RARA: variants seen among roughly 807,000 people sequenced by gnomAD.
The protein encoded by RARA is retinoic acid receptor alpha, also known as PML-DDX5-RARA fusion.
In RARA, 5 loss-of-function variants were observed where a neutral mutation model predicts 42.8. The ratio of observed to expected loss-of-function variants is 0.12; its 90% CI spans 0.06 to 0.25. The LOEUF (loss-of-function observed/expected upper bound fraction) is 0.25, where lower values mean the gene tolerates loss of function less well. Among genes scored for constraint, RARA ranks in the 10% least tolerant of loss-of-function variants. The pLI, the probability that RARA is intolerant of heterozygous loss-of-function variation, is 1.00. For missense variants in RARA, 402 were observed against 628.7 expected (o/e 0.64, Z 3.86); for synonymous variants, 256 against 259.5 (o/e 0.99, Z 0.13).
intron 2 of RARA, chr17:40,341,840 G>C: frequency 9.3e-7 from 1 of 1,078,476 alleles, no homozygotes; most frequent in Admixed American, 4.3e-5. Context: ...CTGGTACAAG[G>C]GAGGACGCCC....
intron 1 of RARA, among the ~76,000 whole-genome samples, chr17:40,315,131 TGTA>T (rs2033174237): frequency 1.4e-4 from 9 of 62,626 alleles, no homozygotes; most frequent in East Asian, 6.8e-4. Context: ...TGCTTATATG[TGTA>T]TATATATATA....
In RARA at chr17:40,354,233, A is replaced by G. The variant is rs2143519368; in HGVS notation, c.808-69A>G. The G allele has an allele frequency of 1.4e-6, 2 of 1,463,470 alleles. No homozygotes were observed. Among genetic ancestry groups the G allele is most frequent in the South Asian group, 2.4e-5 (2 of 84,240 alleles). 90.7% of individuals were successfully genotyped at this position (1,463,470 alleles called of 1,614,324 possible). A position where few individuals can be genotyped will look rare whatever the true frequency, so the allele number is the denominator to read the frequency against. ...TGGTCCTCCGGGAGTGCTGGTGCGG[A>G]GTGCTGGTGCCGAGTGCTCAGAGTG... On this transcript the variant is annotated intron_variant, in intron 6 of 8. Transcript: ENST00000254066. The surrounding 1 kb of genome is among the most constrained non-coding windows in gnomAD (Gnocchi z 4.5).
At chr17:40,341,550 C>T (rs1431852117) in intron 2 of RARA, 3 of 1,432,968 alleles carry the variant, frequency 2.1e-6, no homozygotes, top group Non-Finnish European at 1.8e-6. Context: ...CCCGGTTCGG[C>T]CGGGCAGGGG....
intron 2 of RARA, chr17:40,342,781 C>G (rs1028168476): frequency 2.5e-6 from 4 of 1,612,698 alleles, no homozygotes; most frequent in Non-Finnish European, 3.4e-6. Flanking sequence ...CAGAACCGGG[C>G]CTGTTTGCTC....
intron 4 of RARA, chr17:40,350,144 C>T: frequency 1.6e-6 from 1 of 616,750 alleles, no homozygotes; most frequent in Non-Finnish European, 2.8e-6. Context: ...TGCTCCGGGA[C>T]CGTGTATGTG....
chr17:40,351,563 G>T lies in RARA; in HGVS notation c.470-347G>T. Reference sequence around the variant, plus strand: ...GGAGGCGGGAGAAGGACCTTCCTGGGGAAAGAGGAGGCAGAGCACCTAGGA... The same window carrying T: ...GGAGGCGGGAGAAGGACCTTCCTGGTGAAAGAGGAGGCAGAGCACCTAGGA... On this transcript the variant is annotated intron_variant, in intron 4 of 8. Coordinates refer to ENST00000254066, the MANE Select transcript of RARA (RefSeq NM_000964.4). This position sits in a 1 kb window ranked among gnomAD's most constrained non-coding sequence, Gnocchi z 4.1. The T allele has an allele frequency of 2.1e-6, 1 of 473,982 alleles. No individual in the cohort carries two copies. The allele number at this position is 473,982 out of a possible 1,614,324, so 29.4% of individuals were successfully genotyped here.
intron 2 of RARA, among the ~76,000 whole-genome samples, chr17:40,337,570 C>T (rs758524296): frequency 2.0e-5 from 3 of 152,196 alleles, no homozygotes; most frequent in African/African-American, 4.8e-5. Context: ...ACCCTCCCCC[C>T]GATCTCCAGA....
At chr17:40,353,122 C>A (rs1286325187) in intron 6 of RARA, among the ~76,000 whole-genome samples, 3 of 152,094 alleles carry the variant, frequency 2.0e-5, no homozygotes, top group Admixed American at 2.0e-4. Flanking sequence ...AGGATGATGT[C>A]TCAGAGGAGG....
chr17:40,336,353 G>A (rs542155286), intron 2 of RARA, among the ~76,000 whole-genome samples: 1 of 152,220 alleles, frequency 6.6e-6, no homozygotes, highest in African/African-American at 2.4e-5. Context: ...TGGGATTACA[G>A]GTGTGAGCCA....
rs1490729093 is a variant in RARA, at chr17:40,315,146, A to ATGCT, written c.-363+5861_-363+5862insGCTT. Among the ~76,000 whole-genome samples, 106 of 123,580 alleles carry ATGCT rather than the reference A, an allele frequency of 8.6e-4. No homozygotes were observed. The Middle Eastern group carries it at 0.019, about 22-fold the overall frequency. 81.1% of individuals were successfully genotyped at this position (123,580 alleles called of 152,430 possible). A position where few individuals can be genotyped will look rare whatever the true frequency, so the allele number is the denominator to read the frequency against. The stretch of plus-strand genomic sequence containing the variant: ...TGCTTATATGTGTATATATATATAT[A>ATGCT]TATATATATATATATATATATATAT... On this transcript the variant is annotated intron_variant, in intron 1 of 8. Coordinates refer to ENST00000254066, the MANE Select transcript of RARA (RefSeq NM_000964.4).
intron 2 of RARA, among the ~76,000 whole-genome samples, chr17:40,335,806 C>T (rs2033827017): frequency 6.6e-6 from 1 of 152,122 alleles, no homozygotes; most frequent in African/African-American, 2.4e-5. Context: ...GAATTTGAGA[C>T]AAGCCTGGAC....
At chr17:40,334,024 G>C (rs2033775554) in intron 2 of RARA, among the ~76,000 whole-genome samples, 1 of 152,232 alleles carries the variant, frequency 6.6e-6, no homozygotes, top group South Asian at 2.1e-4. Flanking sequence ...GATGGCAACA[G>C]AGTTCCCAGA....
At chr17:40,323,836 T>TG (rs1177221505) in intron 1 of RARA, among the ~76,000 whole-genome samples, 3 of 21,550 alleles carry the variant, frequency 1.4e-4, no homozygotes, top group African/African-American at 3.7e-4. Flanking sequence ...CAGGACTTGG[T>TG]GGGGGGGTGT....
In RARA at chr17:40,348,375, C is replaced by G. The variant is rs777603974; in HGVS notation, c.238C>G (p.Pro80Ala). 1.9e-6 allele frequency: 3 copies of G among 1,613,534 alleles called. No homozygotes were observed. The highest frequency in any genetic ancestry group is 2.5e-6 in the Non-Finnish European group (3 of 1,179,702). The change falls in exon 3 of 9, where the codon CCT becomes GCT. Residue 80 changes from proline to alanine, a missense_variant. By Grantham distance (27) the Pro-to-Ala change is conservative. Transcript: ENST00000254066. ...EIVPSPPSPP[P>A]LPRIYKPCFV... ...AGTGCCCAGCCCTCCCTCGCCACCC[C>G]CTCTACCCCGCATCTACAAGCCTTG... is the stretch of plus-strand genomic sequence containing the variant.
chr17:40,327,029 C>A (rs1411104905), intron 1 of RARA, among the ~76,000 whole-genome samples: 1 of 152,060 alleles, frequency 6.6e-6, no homozygotes, highest in East Asian at 1.9e-4. Context: ...AATTTGCAGG[C>A]AGAGCTGGGT....
Position 40,351,560 on chromosome 17 carries a change from TG to T in RARA, c.470-346del. The stretch of plus-strand genomic sequence containing the variant: ...AGTGGAGGCGGGAGAAGGACCTTCC[TG>T]GGGAAAGAGGAGGCAGAGCACCTAG... On this transcript the variant is annotated intron_variant, in intron 4 of 8. Transcript: ENST00000254066. The surrounding 1 kb of genome is among the most constrained non-coding windows in gnomAD (Gnocchi z 4.1). The T allele has an allele frequency of 2.1e-6, 1 of 471,490 alleles. No individual in the cohort carries two copies. 29.2% of individuals were successfully genotyped at this position (471,490 alleles called of 1,614,324 possible).
intron 2 of RARA, among the ~76,000 whole-genome samples, chr17:40,346,161 C>T (rs1462564240): frequency 6.6e-6 from 1 of 152,208 alleles, no homozygotes; most frequent in East Asian, 1.9e-4. Context: ...GTTCCGTAAA[C>T]ACCCTCTGTT....
At position 40,352,754 on chromosome 17, in the gene RARA, C is replaced by T. The variant is rs563178818; in HGVS notation, c.807+247C>T. ...CCCATACACATATCCAGCCACCCAG[C>T]CATCCATCCATTTAGCCAGTAATAA... On this transcript the variant is annotated intron_variant, in intron 6 of 8. Transcript: ENST00000254066. The surrounding 1 kb of genome is among the most constrained non-coding windows in gnomAD (Gnocchi z 4.9). 1.0e-3 allele frequency among the ~76,000 whole-genome samples: 154 copies of T among 152,300 alleles called. 1 individual carries two copies. The highest frequency in any genetic ancestry group is 3.6e-3 in the African/African-American group (150 of 41,558).
At chr17:40,341,353 G>A in intron 2 of RARA, 1 of 1,442,092 alleles carries the variant, frequency 6.9e-7, no homozygotes, top group Non-Finnish European at 9.2e-7. Flanking sequence ...AACAGCACCC[G>A]CGCTGCCGCG....
Sources: gnomAD v4.1 joint callset for allele counts (sites outside exome capture counted in the v4.1 genomes callset) on GRCh38, gnomAD v4.1.1 for gene constraint, Gnocchi (gnomAD v3.1) non-coding constraint, MANE v1.5 for transcripts, NCBI Gene and HGNC (gene_info 2026-07-23, HGNC 2026-07-21) for gene names.